PTPN3: variants seen among roughly 807,000 people sequenced by gnomAD.
PTPN3 encodes tyrosine-protein phosphatase non-receptor type 3.
PTPN3 carries 96 observed loss-of-function variants against 132.7 expected under a neutral mutation model. The ratio of observed to expected loss-of-function variants is 0.72; its 90% CI spans 0.61 to 0.86. The LOEUF is 0.86. Ranked by LOEUF, PTPN3 falls within the 40% of genes least tolerant of loss-of-function variation. The probability of loss-of-function intolerance (pLI) is 0.00; values close to 1 mark genes in which losing one functional copy is unlikely to be tolerated. For missense variants in PTPN3, 1,125 were observed against 1,159.6 expected (o/e 0.97, Z 0.43); for synonymous variants, 398 against 429.0 (o/e 0.93, Z 0.89).
chr9:109,426,368 T>A (rs1410549872), intron 12 of PTPN3, among the ~76,000 whole-genome samples: 1 of 151,678 alleles, frequency 6.6e-6, no homozygotes, highest in Admixed American at 6.6e-5. Context: ...ATATTTTGAA[T>A]ATCATTCCTG....
chr9:109,475,691 T>C (rs1846623682), intron 1 of PTPN3, among the ~76,000 whole-genome samples: 1 of 152,194 alleles, frequency 6.6e-6, no homozygotes, highest in Non-Finnish European at 1.5e-5. Flanking sequence ...GATATTTCTA[T>C]CTTAGGCTCT....
chr9:109,420,634 A>G, intron 13 of PTPN3, 34 bp from the exon 14 acceptor site: 1 of 1,575,880 alleles, frequency 6.3e-7, no homozygotes, highest in Non-Finnish European at 8.7e-7. Flanking sequence ...CAAAGTGTTC[A>G]AAGCAAATTC....
At chr9:109,520,216 T>G in the PTPN3 span, among the ~76,000 whole-genome samples, 2 of 151,088 alleles carry the variant, frequency 1.3e-5, no homozygotes, top group African/African-American at 4.9e-5. Context: ...AAAACTTACC[T>G]AGATTTATCT....
intron 14 of PTPN3, among the ~76,000 whole-genome samples, chr9:109,419,021 G>A (rs1229946808): frequency 1.3e-5 from 2 of 152,222 alleles, no homozygotes; most frequent in Non-Finnish European, 2.9e-5. Flanking sequence ...ATTTCTAGAT[G>A]TGCTTGTGGT....
At position 109,410,170 on chromosome 9, in the gene PTPN3, C is replaced by A. The variant is rs141933347; in HGVS notation, c.1500+59G>T. 5.8e-4 allele frequency: 927 copies of A among 1,611,094 alleles called. 3 individuals carry two copies. Among genetic ancestry groups the A allele is most frequent in the South Asian group, 1.3e-3 (114 of 90,820 alleles). On this transcript the variant is annotated intron_variant, in intron 15 of 25. Coordinates refer to ENST00000374541, the MANE Select transcript of PTPN3 (RefSeq NM_002829.4). ...CATTTAGTTAGAGCTACTCAGCTGC[C>A]CACAAGAGGCCGGGAAGCCCTGGGT...
intron 6 of PTPN3, among the ~76,000 whole-genome samples, chr9:109,445,736 CCT>C (rs1564449373): frequency 6.6e-6 from 1 of 152,148 alleles, no homozygotes; most frequent in Non-Finnish European, 1.5e-5. Flanking sequence ...TCTAGATTAC[CCT>C]CTTTCTAAAA....
At position 109,379,234 on chromosome 9, in the gene PTPN3, C is replaced by T. The variant is rs952025080; in HGVS notation, c.*322G>A. ...GGAGGACAACAGCTCTGTGGGTGTC[C>T]GGTCTCAATTGCTCCAGGATGCCGA... On this transcript the variant is annotated 3_prime_UTR_variant, in exon 26 of 26. Transcript: ENST00000374541. 10 of 266,548 alleles carry T rather than the reference C, an allele frequency of 3.8e-5. No homozygotes were observed. The highest frequency in any genetic ancestry group is 5.1e-5 in the Admixed American group (1 of 19,658). The allele number at this position is 266,548 out of a possible 1,614,324, so 16.5% of individuals were successfully genotyped here.
the PTPN3 span, chr9:109,533,625 T>G: frequency 1.2e-5 from 18 of 1,503,352 alleles, no homozygotes; most frequent in African/African-American, 2.7e-5. Flanking sequence ...TGATATATAC[T>G]CTGCCACACT....
rs1847769798 is a variant in PTPN3 at position 109,498,174 on chromosome 9, C to G, written c.-18+45G>C. On this transcript the variant is annotated intron_variant, in intron 1 of 25. Coordinates refer to ENST00000374541, the MANE Select transcript of PTPN3 (RefSeq NM_002829.4). The surrounding 1 kb of genome is among the most constrained non-coding windows in gnomAD (Gnocchi z 4.2). Reference sequence around the variant, plus strand: ...CGAGCGCGACCCCGGCCCCCGGCAGCCCCGCACCCTGCCCCCGGCCCGCTG... The same window carrying G: ...CGAGCGCGACCCCGGCCCCCGGCAGGCCCGCACCCTGCCCCCGGCCCGCTG... 1 of 146,400 alleles carries G rather than the reference C, an allele frequency of 6.8e-6. No individual in the cohort carries two copies. Among genetic ancestry groups the G allele is most frequent in the Admixed American group, 6.8e-5 (1 of 14,736 alleles). 9.1% of individuals were successfully genotyped at this position (146,400 alleles called of 1,614,324 possible).
At chr9:109,480,873 C>T (rs551607511) in intron 1 of PTPN3, among the ~76,000 whole-genome samples, 2 of 152,042 alleles carry the variant, frequency 1.3e-5, no homozygotes, top group South Asian at 2.1e-4. Flanking sequence ...CCAACAGGTG[C>T]TCAATAATTC....
chr9:109,459,238 G>GT (rs1478272253), intron 2 of PTPN3, among the ~76,000 whole-genome samples: 1 of 152,270 alleles, frequency 6.6e-6, no homozygotes, highest in Non-Finnish European at 1.5e-5. Context: ...ACGGCACCAG[G>GT]TCACCACCAG....
intron 9 of PTPN3, 149 bp from the exon 10 acceptor site, chr9:109,433,310 T>G (rs1843793171): frequency 7.6e-7 from 1 of 1,307,196 alleles, no homozygotes; most frequent in Admixed American, 3.0e-5. Context: ...AAGCCCCACT[T>G]AACGGATACT....
chr9:109,460,839 G>T (rs1460577520), intron 2 of PTPN3, among the ~76,000 whole-genome samples: 1 of 152,156 alleles, frequency 6.6e-6, no homozygotes, highest in African/African-American at 2.4e-5. Flanking sequence ...CAGGGATTTT[G>T]TTCTGTTTTG....
rs116501201 is a variant in PTPN3 at position 109,435,658 on chromosome 9, C to G, written c.675+1225G>C. On this transcript the variant is annotated intron_variant, in intron 9 of 25. Coordinates refer to ENST00000374541, the MANE Select transcript of PTPN3 (RefSeq NM_002829.4). ...GGGGTCTTTGCCACGCAGATATCATCTGGCCTCACAGCCCTTGAGGGTCAT... is the reference window on the plus strand; with the variant it reads ...GGGGTCTTTGCCACGCAGATATCATGTGGCCTCACAGCCCTTGAGGGTCAT... Among the ~76,000 whole-genome samples the G allele has an allele frequency of 4.2e-3, 636 of 152,340 alleles. 4 individuals carry two copies. Among genetic ancestry groups the G allele is most frequent in the African/African-American group, 0.015 (610 of 41,574 alleles).
intron 18 of PTPN3, among the ~76,000 whole-genome samples, chr9:109,405,598 T>C (rs1009532918): frequency 1.2e-4 from 18 of 152,200 alleles, no homozygotes; most frequent in East Asian, 5.8e-4. Context: ...CATTGATTGA[T>C]TGAATGATTG....
chr9:109,491,955 C>A (rs1338167733), intron 1 of PTPN3, among the ~76,000 whole-genome samples: 2 of 152,216 alleles, frequency 1.3e-5, no homozygotes, highest in African/African-American at 4.8e-5. Flanking sequence ...AGAGAATCCA[C>A]TGGAAGCAGG....
chr9:109,408,298 T>G (rs45622434), intron 17 of PTPN3, 23 bp downstream of exon 17: 2 of 1,512,492 alleles, frequency 1.3e-6, no homozygotes, highest in East Asian at 4.7e-5. Flanking sequence ...ACACGAGGAA[T>G]AACATGGAAT....
chr9:109,471,905 G>C (rs536149194), intron 1 of PTPN3, among the ~76,000 whole-genome samples: 175 of 151,572 alleles, frequency 1.2e-3, no homozygotes, highest in African/African-American at 4.1e-3. Flanking sequence ...ACAATCTTCA[G>C]AGTTCCTTTT....
At chr9:109,401,635 C>T (rs538995305) in intron 19 of PTPN3, among the ~76,000 whole-genome samples, 1 of 152,174 alleles carries the variant, frequency 6.6e-6, no homozygotes, top group African/African-American at 2.4e-5. Flanking sequence ...GAGCCCACAG[C>T]GCCTCCTTGT....
Sources: allele counts gnomAD v4.1 joint callset (sites outside exome capture counted in the v4.1 genomes callset), GRCh38; gene constraint gnomAD v4.1.1; non-coding constraint Gnocchi (gnomAD v3.1); transcripts MANE v1.5; gene names NCBI Gene and HGNC (gene_info 2026-07-23, HGNC 2026-07-21).